The following SLFN12L variants were observed in gnomAD, a reference collection of about 807,000 sequenced individuals.
SLFN12L encodes schlafen family member 12 like.
In SLFN12L, 34 loss-of-function variants were observed where a neutral mutation model predicts 34.8. The ratio of observed to expected loss-of-function variants is 0.98; its 90% CI spans 0.74 to 1.30. The LOEUF (loss-of-function observed/expected upper bound fraction) is 1.30. Among genes scored for constraint, SLFN12L ranks in the 50% most tolerant of loss-of-function variants. The pLI is 0.00. For synonymous variants in SLFN12L, 259 were observed against 247.5 expected, an observed-to-expected ratio of 1.05 and a Z score of -0.44; for missense variants, 703 against 696.2, an observed-to-expected ratio of 1.01 and a Z score of -0.11.
At chr17:35,490,009 C>A in intron 2 of SLFN12L, 1 of 1,589,636 alleles carries the variant, frequency 6.3e-7, no homozygotes, top group African/African-American at 1.3e-5. Context: ...TATCCGACAT[C>A]CAGATCCTCA....
At position 35,474,969 on chromosome 17, in the gene SLFN12L, CGAAACAAACAAACAA is replaced by C. The variant is rs1320927649; in HGVS notation, c.1778_1792del (p.Phe593_Arg598delinsCys). 2 of 1,552,700 alleles carry C rather than the reference CGAAACAAACAAACAA, an allele frequency of 1.3e-6. No homozygotes were observed. The highest frequency in any genetic ancestry group is 4.9e-5 in the East Asian group (2 of 41,058). ...AAACCAACAAACAAACAAACAAAAACGAAACAAACAAACAAACAAAAAGATTTGATTCTCCTTAGG... is the reference window on the plus strand; with the variant it reads ...AAACCAACAAACAAACAAACAAAAACACAAAAAGATTTGATTCTCCTTAGG... On this transcript the variant is annotated inframe_deletion, in exon 5 of 5. Transcript: ENST00000628453.
Position 35,479,773 on chromosome 17 carries a change from T to C in SLFN12L, c.509A>G (p.Lys170Arg). 1 of 1,613,892 alleles carries C rather than the reference T, an allele frequency of 6.2e-7. No individual in the cohort carries two copies. The change falls in exon 3 of 5, where the codon AAG (lysine) becomes AGG (arginine). Residue 170 changes from lysine (K) to arginine (R), a missense_variant. Transcript: ENST00000628453. ...QIATLSSSLY[K>R]RDVTSAKVMN... ...GACTTTTGCAGACGTTACATCTCTC[T>C]TGTACAAACTGGAGCTCAACGTGGC...
In SLFN12L at chr17:35,466,610, A is replaced by G. The variant is rs578115926; in HGVS notation, c.*8313T>C. 1.6e-4 allele frequency among the ~76,000 whole-genome samples: 24 copies of G among 152,340 alleles called. 1 individual carries two copies. In the South Asian group the frequency reaches 4.8e-3, roughly 30 times the overall value. ...TTTCATGGCAAAATATTCTTCACTTACAAATTTTACTTAATCTCATTGAGC... is the reference window on the plus strand; with the variant it reads ...TTTCATGGCAAAATATTCTTCACTTGCAAATTTTACTTAATCTCATTGAGC... On this transcript the variant is annotated 3_prime_UTR_variant, in exon 5 of 5. Transcript: ENST00000628453.
rs1348540565 is a variant in SLFN12L, at chr17:35,467,896, T to C, written c.*7027A>G. On this transcript the variant is annotated 3_prime_UTR_variant, in exon 5 of 5. Coordinates refer to ENST00000628453, the MANE Select transcript of SLFN12L (RefSeq NM_001363830.2). ...TGTTTTCTGTTTATCTTTTTTGTTTTGTTTGTTTGTTTTTGCTTTTTGTTT... is the reference window on the plus strand; with the variant it reads ...TGTTTTCTGTTTATCTTTTTTGTTTCGTTTGTTTGTTTTTGCTTTTTGTTT... 6.6e-6 allele frequency among the ~76,000 whole-genome samples: 1 copy of C among 152,148 alleles called. No individual in the cohort carries two copies. Among genetic ancestry groups the C allele is most frequent in the Non-Finnish European group, 1.5e-5 (1 of 68,030 alleles).
At chr17:35,534,118 TTTGGGAGGCCC>T (rs1214336543) in intron 1 of SLFN12L, among the ~76,000 whole-genome samples, 1 of 151,726 alleles carries the variant, frequency 6.6e-6, no homozygotes, top group Non-Finnish European at 1.5e-5. Flanking sequence ...ATCCCAGCAC[TTTGGGAGGCCC>T]TGGTGGGCAG....
chr17:35,478,457 T>A (rs1053228147), intron 3 of SLFN12L: 16 of 226,670 alleles, frequency 7.1e-5, no homozygotes, highest in Non-Finnish European at 1.3e-4. Context: ...CATTGCCATA[T>A]AACTGAGTTT....
At chr17:35,478,948 A>G (rs778749933) in intron 3 of SLFN12L, among the ~76,000 whole-genome samples, 169 bp downstream of exon 3, 4 of 152,242 alleles carry the variant, frequency 2.6e-5, no homozygotes, top group Non-Finnish European at 4.4e-5. Flanking sequence ...TGGAATATCT[A>G]TCTTCTAAGT....
intron 2 of SLFN12L, among the ~76,000 whole-genome samples, chr17:35,493,853 A>T (rs1248066097): frequency 6.6e-6 from 1 of 152,218 alleles, no homozygotes; most frequent in African/African-American, 2.4e-5. Flanking sequence ...TACTTTCTAG[A>T]TGGCATGTAA....
At position 35,479,817 on chromosome 17, in the gene SLFN12L, TTCCAAGC is replaced by T; in HGVS notation, c.458_464del (p.Ser153LysfsTer10). 1 of 1,609,630 alleles carries T rather than the reference TTCCAAGC, an allele frequency of 6.2e-7. No individual in the cohort carries two copies. The highest frequency in any genetic ancestry group is 8.5e-7 in the Non-Finnish European group (1 of 1,177,856). On this transcript the variant is annotated frameshift_variant, in exon 3 of 5. Coordinates refer to ENST00000628453, the MANE Select transcript of SLFN12L (RefSeq NM_001363830.2). LOFTEE classifies it high-confidence loss of function. ...ACGTGGCAATCTGCGGACCAGAGGT[TTCCAAGC>T]TCCATGATTTCACAAAAATGTGAAA...
At position 35,533,851 on chromosome 17, in the gene SLFN12L, C is replaced by T. The variant is rs372879310; in HGVS notation, c.-606+3722G>A. 6.6e-4 allele frequency among the ~76,000 whole-genome samples: 100 copies of T among 151,400 alleles called. 1 individual carries two copies. The South Asian group carries it at 0.02, about 31-fold the overall frequency. ...ATCCCAGCACTTTGGGAGGCCGAGG[C>T]GGGCAGATCACCTGAGGTCAGGAGT... On this transcript the variant is annotated intron_variant, in intron 1 of 4. Coordinates refer to ENST00000628453, the MANE Select transcript of SLFN12L (RefSeq NM_001363830.2).
chr17:35,495,911 A>G (rs1313952151), intron 2 of SLFN12L, among the ~76,000 whole-genome samples: 1 of 83,470 alleles, frequency 1.2e-5, no homozygotes, highest in Non-Finnish European at 2.7e-5. Context: ...ACACACACAC[A>G]CACACACACA....
At position 35,494,038 on chromosome 17, in the gene SLFN12L, G is replaced by A. The variant is rs573108322; in HGVS notation, c.87-13843C>T. On this transcript the variant is annotated intron_variant, in intron 2 of 4. Coordinates refer to ENST00000628453, the MANE Select transcript of SLFN12L (RefSeq NM_001363830.2). ...GACAACTCGTGTGTATGAGAAGGAG[G>A]GATTTGAAGGAAGATGACTTGCAGA... 1.2e-4 allele frequency among the ~76,000 whole-genome samples: 18 copies of A among 152,194 alleles called. No homozygotes were observed. The South Asian group carries it at 2.9e-3, about 25-fold the overall frequency.
intron 2 of SLFN12L, chr17:35,490,576 C>T (rs1914797560): frequency 2.4e-6 from 2 of 823,826 alleles, no homozygotes; most frequent in Non-Finnish European, 4.3e-6. Flanking sequence ...TGGGGGCATG[C>T]TGACCCAGTG....
chr17:35,535,520 T>C (rs1437125127), intron 1 of SLFN12L, among the ~76,000 whole-genome samples: 1 of 145,810 alleles, frequency 6.9e-6, no homozygotes, highest in Non-Finnish European at 1.5e-5. Context: ...AGGGTCTTGC[T>C]CTGTCATCCA....
At chr17:35,499,255 T>C in intron 2 of SLFN12L, 1 of 844,168 alleles carries the variant, frequency 1.2e-6, no homozygotes, top group Non-Finnish European at 1.7e-6. Context: ...ACGACATATC[T>C]TAGAATGGAC....
In SLFN12L at chr17:35,469,559, C is replaced by T. The variant is rs1159395227; in HGVS notation, c.*5364G>A. 6.6e-6 allele frequency among the ~76,000 whole-genome samples: 1 copy of T among 151,734 alleles called. No homozygotes were observed. The highest frequency in any genetic ancestry group is 1.5e-5 in the Non-Finnish European group (1 of 67,992). On this transcript the variant is annotated 3_prime_UTR_variant, in exon 5 of 5. Coordinates refer to ENST00000628453, the MANE Select transcript of SLFN12L (RefSeq NM_001363830.2). ...TTCTAGGCTATTTAGGGCAACTGTACCCCATCCTTTAAATAAGTCCACTAT... is the reference window on the plus strand; with the variant it reads ...TTCTAGGCTATTTAGGGCAACTGTATCCCATCCTTTAAATAAGTCCACTAT...
At chr17:35,510,724 A>G (rs778616030) in intron 2 of SLFN12L, among the ~76,000 whole-genome samples, 1 of 152,180 alleles carries the variant, frequency 6.6e-6, no homozygotes, top group Admixed American at 6.5e-5. Context: ...TTAATTATAT[A>G]GTATGCAATT....
chr17:35,492,790 T>G (rs1914887289), intron 2 of SLFN12L, among the ~76,000 whole-genome samples: 1 of 152,062 alleles, frequency 6.6e-6, no homozygotes, highest in Non-Finnish European at 1.5e-5. Context: ...TGGCGTAGTA[T>G]CTCCGGTCCA....
intron 2 of SLFN12L, among the ~76,000 whole-genome samples, chr17:35,495,250 A>G (rs1339827795): frequency 6.6e-6 from 1 of 152,040 alleles, no homozygotes; most frequent in African/African-American, 2.4e-5. Flanking sequence ...CTGAGAGGTG[A>G]TGTTTGTTTG....
Sources: gnomAD v4.1 joint callset for allele counts (sites outside exome capture counted in the v4.1 genomes callset) on GRCh38, gnomAD v4.1.1 for gene constraint, MANE v1.5 for transcripts, NCBI Gene and HGNC (gene_info 2026-07-23, HGNC 2026-07-21) for gene names.